The following PARD3 variants were observed in gnomAD, a reference collection of about 807,000 sequenced individuals.
PARD3 encodes the protein par-3 family cell polarity regulator, also known as partitioning defective 3 homolog.
In PARD3, 75 loss-of-function variants were observed where a neutral mutation model predicts 155.4. The ratio of observed to expected loss-of-function variants is 0.48; its 90% CI spans 0.40 to 0.58. PARD3 has a LOEUF of 0.58. Among genes scored for constraint, PARD3 ranks in the 20% least tolerant of loss-of-function variants. The pLI, the probability that PARD3 is intolerant of heterozygous loss-of-function variation, is 0.00. For missense variants in PARD3, 1,642 were observed against 1,721.7 expected (o/e 0.95, Z 0.82); for synonymous variants, 576 against 610.5 (o/e 0.94, Z 0.83).
At chr10:34,355,924 C>CAAAAAAAAAAAAAA (rs869284165) in intron 14 of PARD3, among the ~76,000 whole-genome samples, 1 of 42,738 alleles carries the variant, frequency 2.3e-5, no homozygotes, top group Non-Finnish European at 4.4e-5. Context: ...CACTCCGTCT[C>CAAAAAAAAAAAAAA]AAAAAAAAAA....
intron 22 of PARD3, among the ~76,000 whole-genome samples, chr10:34,161,390 A>G (rs1237634060): frequency 6.6e-6 from 1 of 152,130 alleles, no homozygotes; most frequent in Non-Finnish European, 1.5e-5. Context: ...TGTACAGTAA[A>G]CATTACACTG....
At chr10:34,503,290 A>C (rs1311992255) in intron 3 of PARD3, among the ~76,000 whole-genome samples, 1 of 152,198 alleles carries the variant, frequency 6.6e-6, no homozygotes, top group South Asian at 2.1e-4. Flanking sequence ...GCTCAAAATG[A>C]CATTTTAATT....
intron 3 of PARD3, among the ~76,000 whole-genome samples, chr10:34,481,348 T>C (rs1287224410): frequency 1.3e-5 from 2 of 152,086 alleles, no homozygotes; most frequent in African/African-American, 4.8e-5. Flanking sequence ...GCATAAGAAA[T>C]GGACATCAGA....
At chr10:34,561,068 C>A (rs1467214879) in intron 2 of PARD3, among the ~76,000 whole-genome samples, 1 of 152,092 alleles carries the variant, frequency 6.6e-6, no homozygotes, top group African/African-American at 2.4e-5. Flanking sequence ...CAGTTGCTGA[C>A]ATTCTAATCT....
intron 14 of PARD3, among the ~76,000 whole-genome samples, chr10:34,348,396 T>C (rs1424446971): frequency 1.3e-5 from 2 of 152,224 alleles, no homozygotes. Context: ...GAGCTTGTTG[T>C]TTATTTTTCC....
intron 19 of PARD3, among the ~76,000 whole-genome samples, chr10:34,330,477 ATGAG>A (rs889421259): frequency 1.3e-5 from 2 of 152,124 alleles, no homozygotes; most frequent in Non-Finnish European, 2.9e-5. Flanking sequence ...ATAGGAAAGA[ATGAG>A]TAATTCCTGA....
At chr10:34,352,949 GC>G (rs1428471019) in intron 14 of PARD3, among the ~76,000 whole-genome samples, 1 of 151,118 alleles carries the variant, frequency 6.6e-6, no homozygotes, top group Non-Finnish European at 1.5e-5. Flanking sequence ...GAGCGCCTCT[GC>G]CCCGCCGCCC....
chr10:34,442,126 C>T (rs1589590256), intron 5 of PARD3, among the ~76,000 whole-genome samples: 1 of 152,278 alleles, frequency 6.6e-6, no homozygotes, highest in East Asian at 1.9e-4. Flanking sequence ...TTCCTTTCCA[C>T]AGAACTTTTA....
At chr10:34,210,788 A>G (rs1421705886) in intron 22 of PARD3, among the ~76,000 whole-genome samples, 2 of 152,180 alleles carry the variant, frequency 1.3e-5, no homozygotes, top group African/African-American at 4.8e-5. Context: ...TAGGAAAACT[A>G]GAATTCAGTG....
intron 2 of PARD3, among the ~76,000 whole-genome samples, chr10:34,653,788 C>T (rs927624156): frequency 4.0e-5 from 3 of 74,288 alleles, no homozygotes; most frequent in African/African-American, 1.1e-4. Flanking sequence ...AGCAAGACCT[C>T]GACTCCAAAA....
rs2079311709 is a variant in PARD3 at position 34,484,544 on chromosome 10, T to A, written c.404-14281A>T. ...TGTTGTTGTTGTTTGTTGTTGTTGT[T>A]GTTTTGCCAAGAGTGCCATAAATGT... On this transcript the variant is annotated intron_variant, in intron 3 of 24. Coordinates refer to ENST00000374788, the MANE Select transcript of PARD3 (RefSeq NM_001184785.2). Among the ~76,000 whole-genome samples, 4 of 152,174 alleles carry A rather than the reference T, an allele frequency of 2.6e-5. No individual in the cohort carries two copies. The South Asian group carries it at 8.3e-4, about 32-fold the overall frequency.
intron 2 of PARD3, among the ~76,000 whole-genome samples, chr10:34,563,356 A>G (rs1464847630): frequency 2.0e-5 from 3 of 152,078 alleles, no homozygotes; most frequent in African/African-American, 7.2e-5. Flanking sequence ...CATGAATCCT[A>G]TATCCCATGT....
At chr10:34,538,854 AAC>A (rs1294252755) in intron 2 of PARD3, among the ~76,000 whole-genome samples, 1 of 152,236 alleles carries the variant, frequency 6.6e-6, no homozygotes, top group Non-Finnish European at 1.5e-5. Context: ...TGAGAAAGCA[AAC>A]ACACAGTTTC....
intron 2 of PARD3, among the ~76,000 whole-genome samples, chr10:34,581,849 AT>A (rs1385255051): frequency 6.6e-6 from 1 of 152,182 alleles, no homozygotes; most frequent in African/African-American, 2.4e-5. Flanking sequence ...CAATAACGAT[AT>A]TATGGGCAAT....
chr10:34,145,227 T>TTTTTTTTATTTA (rs1564430188), intron 22 of PARD3, among the ~76,000 whole-genome samples: 17 of 101,486 alleles, frequency 1.7e-4, no homozygotes, highest in African/African-American at 6.4e-4. Context: ...ATATATTTTT[T>TTTTTTTTATTTA]TTTTTTTTTT....
intron 3 of PARD3, among the ~76,000 whole-genome samples, chr10:34,482,577 T>C (rs1250180697): frequency 1.4e-5 from 2 of 144,254 alleles, no homozygotes; most frequent in African/African-American, 5.9e-5. Flanking sequence ...CAGGGACAGT[T>C]AGAAGAGTAC....
intron 22 of PARD3, among the ~76,000 whole-genome samples, chr10:34,159,912 C>T (rs753183200): frequency 3.9e-5 from 6 of 152,162 alleles, no homozygotes; most frequent in East Asian, 1.9e-4. Context: ...TGCCTTGATA[C>T]GAGGAGTGGA....
chr10:34,365,133 T>A (rs1839838890), intron 12 of PARD3, among the ~76,000 whole-genome samples: 1 of 152,228 alleles, frequency 6.6e-6, no homozygotes, highest in African/African-American at 2.4e-5. Context: ...AGTTTGCCAT[T>A]TTCTTAAGCT....
chr10:34,487,187 TCTCA>T (rs970655704), intron 3 of PARD3, among the ~76,000 whole-genome samples: 1 of 152,044 alleles, frequency 6.6e-6, no homozygotes, highest in Non-Finnish European at 1.5e-5. Context: ...CTGGGCCTCT[TCTCA>T]CTCACTCTCT....
Sources: allele counts gnomAD v4.1 joint callset (sites outside exome capture counted in the v4.1 genomes callset), GRCh38; gene constraint gnomAD v4.1.1; transcripts MANE v1.5; gene names NCBI Gene and HGNC (gene_info 2026-07-23, HGNC 2026-07-21).